Variants in B3GALT1 observed in about 807,000 individuals in gnomAD.
B3GALT1 encodes the protein beta-1,3-galactosyltransferase 1.
In B3GALT1, 10 loss-of-function variants were observed where a neutral mutation model predicts 23.2. The ratio of observed to expected loss-of-function variants is 0.43; its 90% confidence interval spans 0.27 to 0.73. The LOEUF is 0.73. B3GALT1 is among the 30% of genes least tolerant of loss of function. The pLI is 0.21. For missense variants in B3GALT1, 299 were observed against 405.4 expected (o/e 0.74, Z 2.25); for synonymous variants, 156 against 141.5 (o/e 1.10, Z -0.73).
At chr2:167,419,188 G>A (rs1194660700) in intron 1 of B3GALT1, among the ~76,000 whole-genome samples, 5 of 152,118 alleles carry the variant, frequency 3.3e-5, no homozygotes, top group African/African-American at 4.8e-5. Flanking sequence ...ATAAAGAACT[G>A]GCAAATAAGT....
At chr2:167,560,866 A>T (rs1417334236) in intron 2 of B3GALT1, among the ~76,000 whole-genome samples, 1 of 152,020 alleles carries the variant, frequency 6.6e-6, no homozygotes, top group Non-Finnish European at 1.5e-5. Context: ...GGGAGACTTT[A>T]ACACCCCACT....
At chr2:167,419,148 A>C (rs1319019551) in intron 1 of B3GALT1, among the ~76,000 whole-genome samples, 1 of 152,246 alleles carries the variant, frequency 6.6e-6, no homozygotes, top group Admixed American at 6.5e-5. Flanking sequence ...AAATGTATTT[A>C]AATGATAAGA....
At chr2:167,712,694 A>G (rs964297187) in intron 3 of B3GALT1, among the ~76,000 whole-genome samples, 5 of 151,920 alleles carry the variant, frequency 3.3e-5, no homozygotes, top group African/African-American at 9.7e-5. Flanking sequence ...AACAAGACCC[A>G]TTTTCTTTTG....
intron 1 of B3GALT1, among the ~76,000 whole-genome samples, chr2:167,360,350 GC>G (rs1697481628): frequency 6.6e-6 from 1 of 152,176 alleles, no homozygotes. Context: ...AATGATGTGA[GC>G]AGAGAACATC....
At chr2:167,441,898 C>T (rs1698899638) in intron 1 of B3GALT1, among the ~76,000 whole-genome samples, 4 of 150,672 alleles carry the variant, frequency 2.7e-5, no homozygotes, top group Admixed American at 2.6e-4. Flanking sequence ...TTTTATTATA[C>T]TTTAAGTTTT....
chr2:167,506,517 CTT>C (rs1397508834), intron 2 of B3GALT1, among the ~76,000 whole-genome samples: 1 of 152,096 alleles, frequency 6.6e-6, no homozygotes, highest in Non-Finnish European at 1.5e-5. Flanking sequence ...ATAAAGAAAA[CTT>C]TAAACTTTGT....
In B3GALT1 at chr2:167,869,955, A is replaced by G. The variant is rs79263998; in HGVS notation, c.916A>G (p.Ile306Val). The G allele has an allele frequency of 6.2e-7, 1 of 1,614,062 alleles. No individual in the cohort carries two copies. Among genetic ancestry groups the G allele is most frequent in the African/African-American group, 1.3e-5 (1 of 75,044 alleles). The change falls in exon 5 of 5, where the codon ATC becomes GTC. Residue 306 changes from isoleucine (I) to valine (V), a missense_variant. By Grantham distance (29) the Ile-to-Val change is conservative. Around this residue, in one of 3 missense-constraint regions of B3GALT1, gnomAD observed 133 missense variants for 204.8 expected, o/e 0.65. Transcript: ENST00000392690. The surrounding 1 kb of genome is among the most constrained non-coding windows in gnomAD (Gnocchi z 6.4). ...RYRRVITVHQISPEEMHRIWN... is the reference protein window; with the variant it reads ...RYRRVITVHQVSPEEMHRIWN... ...TCGCCGAGTTATCACTGTGCATCAG[A>G]TCTCTCCAGAAGAAATGCACAGAAT... is the stretch of plus-strand genomic sequence containing the variant.
At chr2:167,786,641 C>T (rs1462262968) in intron 3 of B3GALT1, among the ~76,000 whole-genome samples, 2 of 152,168 alleles carry the variant, frequency 1.3e-5, no homozygotes, top group Non-Finnish European at 2.9e-5. Flanking sequence ...CATTTAGGCA[C>T]ATGGAATATT....
chr2:167,477,507 C>T (rs1024484042), intron 1 of B3GALT1, among the ~76,000 whole-genome samples: 4 of 152,116 alleles, frequency 2.6e-5, no homozygotes, highest in Non-Finnish European at 4.4e-5. Context: ...TGATACAGTA[C>T]GATCCTATAA....
At chr2:167,624,310 A>C (rs1322649363) in intron 2 of B3GALT1, among the ~76,000 whole-genome samples, 1 of 152,084 alleles carries the variant, frequency 6.6e-6, no homozygotes, top group African/African-American at 2.4e-5. Flanking sequence ...CCTCATAAGC[A>C]AGAACTGACC....
chr2:167,634,500 A>G (rs1685513644), intron 2 of B3GALT1, among the ~76,000 whole-genome samples: 1 of 152,164 alleles, frequency 6.6e-6, no homozygotes, highest in Admixed American at 6.6e-5. Flanking sequence ...AGACACAATA[A>G]AAAATGATAA....
intron 1 of B3GALT1, among the ~76,000 whole-genome samples, chr2:167,452,364 A>G (rs938122207): frequency 6.6e-6 from 1 of 152,060 alleles, no homozygotes; most frequent in Non-Finnish European, 1.5e-5. Flanking sequence ...ACAGCCCACA[A>G]GTCTCTTCCT....
intron 3 of B3GALT1, among the ~76,000 whole-genome samples, chr2:167,667,739 G>C (rs148964707): frequency 0.031 from 4,736 of 152,094 alleles, 93 homozygotes; most frequent in South Asian, 0.077. Context: ...CCAGTTGATC[G>C]CATCGGCTGA....
At chr2:167,501,520 A>ATTTT (rs1699847418) in intron 2 of B3GALT1, among the ~76,000 whole-genome samples, 1 of 151,930 alleles carries the variant, frequency 6.6e-6, no homozygotes, top group Non-Finnish European at 1.5e-5. Context: ...TAAACTTAAA[A>ATTTT]GACAGCAACA....
At chr2:167,694,030 A>T (rs536002476) in intron 3 of B3GALT1, among the ~76,000 whole-genome samples, 1 of 152,034 alleles carries the variant, frequency 6.6e-6, no homozygotes, top group Non-Finnish European at 1.5e-5. Context: ...GGTCTCACTC[A>T]CATGTTTGGA....
chr2:167,711,280 C>T (rs1437949614), intron 3 of B3GALT1, among the ~76,000 whole-genome samples: 4 of 152,196 alleles, frequency 2.6e-5, no homozygotes, highest in South Asian at 2.1e-4. Flanking sequence ...CATCACATCA[C>T]TCCTCTGTTT....
At chr2:167,594,281 G>T (rs1365624270) in intron 2 of B3GALT1, among the ~76,000 whole-genome samples, 1 of 152,106 alleles carries the variant, frequency 6.6e-6, no homozygotes, top group Non-Finnish European at 1.5e-5. Context: ...CTCACATAGT[G>T]CTCAGTAAAC....
intron 2 of B3GALT1, among the ~76,000 whole-genome samples, chr2:167,589,234 C>T (rs2105414148): frequency 6.6e-6 from 1 of 152,282 alleles, no homozygotes; most frequent in East Asian, 1.9e-4. Context: ...GCATGAGCTA[C>T]CACACCCAGC....
rs1321733680 is a variant in B3GALT1, at chr2:167,871,248, CACCT to C, written c.*1233_*1236del. The C allele has an allele frequency of 6.6e-6, 1 of 152,170 alleles. No individual in the cohort carries two copies. The highest frequency in any genetic ancestry group is 1.5e-5 in the Non-Finnish European group (1 of 68,032). 9.4% of individuals were successfully genotyped at this position (152,170 alleles called of 1,614,324 possible). ...CATTTATAAAAATGGCTGTAAAAAA[CACCT>C]ACCTCACAGGTGCTGTGAGAGCAAA... On this transcript the variant is annotated 3_prime_UTR_variant, in exon 5 of 5. Coordinates refer to ENST00000392690, the MANE Select transcript of B3GALT1 (RefSeq NM_020981.4).
Sources: allele counts gnomAD v4.1 joint callset (sites outside exome capture counted in the v4.1 genomes callset), GRCh38; gene constraint gnomAD v4.1.1; regional missense constraint gnomAD v4.1.1; non-coding constraint Gnocchi (gnomAD v3.1); transcripts MANE v1.5; gene names NCBI Gene and HGNC (gene_info 2026-07-23, HGNC 2026-07-21).